The following CLCN4 variants were observed in gnomAD, a reference collection of about 807,000 sequenced individuals.
The protein encoded by CLCN4 is H(+)/Cl(-) exchange transporter 4.
A neutral mutation model predicts 41.7 loss-of-function variants in CLCN4; 1 was observed. The observed-to-expected ratio is 0.02, with a 90% confidence interval of 0.01 to 0.11. The LOEUF is 0.11. Among genes scored for constraint, CLCN4 ranks in the 10% least tolerant of loss-of-function variants. The pLI, the probability that CLCN4 is intolerant of heterozygous loss-of-function variation, is 1.00. For missense variants in CLCN4, 287 were observed against 661.0 expected, an observed-to-expected ratio of 0.43 and a Z score of 6.20; for synonymous variants, 277 against 285.8, an observed-to-expected ratio of 0.97 and a Z score of 0.31.
chrX:10,213,537 G>A, intron 10 of CLCN4, 144 bp from the exon 11 acceptor site: 1 of 550,244 alleles, frequency 1.8e-6, no homozygotes, highest in Non-Finnish European at 2.9e-6. Flanking sequence ...GGGTTCCAGA[G>A]GCCCAGTGTA....
intron 2 of CLCN4, among the ~76,000 whole-genome samples, chrX:10,164,619 G>A (rs1464397627): frequency 8.9e-6 from 1 of 111,930 alleles, no homozygotes; most frequent in Non-Finnish European, 1.9e-5. Flanking sequence ...GTTGGACTGA[G>A]GAGCTAACCT....
At chrX:10,206,308 C>A in intron 6 of CLCN4, 50 bp from the exon 7 acceptor site, 1 of 954,109 alleles carries the variant, frequency 1.0e-6, no homozygotes, top group Non-Finnish European at 1.5e-6. Flanking sequence ...CTTTTCCTAG[C>A]CATGGATTGA....
At chrX:10,195,202 G>A in intron 5 of CLCN4, 104 bp downstream of exon 5, 38 of 836,193 alleles carry the variant, frequency 4.5e-5, no homozygotes, top group Non-Finnish European at 6.6e-5. Flanking sequence ...ACCTTCAAGT[G>A]CCTGCTCTGA....
chrX:10,206,336 T>C (rs1233327885), intron 6 of CLCN4, 22 bp from the exon 7 acceptor site: 1 of 1,160,181 alleles, frequency 8.6e-7, no homozygotes, highest in East Asian at 3.0e-5. Flanking sequence ...CATTCCCTCT[T>C]GTTCTCCATC....
chrX:10,193,580 C>T (rs1924022968), intron 4 of CLCN4, among the ~76,000 whole-genome samples: 1 of 111,344 alleles, frequency 9.0e-6, no homozygotes, highest in African/African-American at 3.3e-5. Context: ...GAGTGGTCAA[C>T]AGAGTCAGAT....
chrX:10,196,819 C>G (rs1202036124), intron 5 of CLCN4, among the ~76,000 whole-genome samples: 8 of 111,946 alleles, frequency 7.1e-5, no homozygotes, highest in South Asian at 3.7e-4. Context: ...TGGGGAAATA[C>G]AGCCATCCAT....
chrX:10,199,997 C>T (rs958555377), intron 6 of CLCN4, among the ~76,000 whole-genome samples: 1 of 111,569 alleles, frequency 9.0e-6, no homozygotes, highest in African/African-American at 3.3e-5. Context: ...GTGATCCATC[C>T]GCCTCGGCCT....
intron 6 of CLCN4, among the ~76,000 whole-genome samples, chrX:10,198,438 G>A (rs1024228901): frequency 1.8e-5 from 2 of 112,102 alleles, no homozygotes; most frequent in South Asian, 7.4e-4. Flanking sequence ...ACATAAACAC[G>A]CTGTAATAAC....
chrX:10,205,447 T>A (rs768487635), intron 6 of CLCN4, among the ~76,000 whole-genome samples: 1 of 83,310 alleles, frequency 1.2e-5, no homozygotes, highest in East Asian at 4.0e-4. Context: ...CACTCCAGCC[T>A]GGGCAACAGT....
intron 10 of CLCN4, 53 bp from the exon 11 acceptor site, chrX:10,213,628 C>T (rs1924627261): frequency 9.1e-7 from 1 of 1,099,359 alleles, no homozygotes; most frequent in Non-Finnish European, 1.2e-6. Flanking sequence ...AATCATGCTT[C>T]CGTGAGCTGC....
At position 10,216,918 on chromosome X, in the gene CLCN4, T is replaced by TACACACAC. The variant is rs1555977626; in HGVS notation, c.1975+2845_1975+2852dup. Among the ~76,000 whole-genome samples, 32 of 38,928 alleles carry TACACACAC rather than the reference T, an allele frequency of 8.2e-4. 1 individual carries two copies. The highest frequency in any genetic ancestry group is 3.3e-3 in the African/African-American group (30 of 9,011). The allele number at this position is 38,928 out of a possible 115,157, so 33.8% of individuals were successfully genotyped here. A position where few individuals can be genotyped will look rare whatever the true frequency, so the allele number is the denominator to read the frequency against. On this transcript the variant is annotated intron_variant, in intron 11 of 12. Transcript: ENST00000380833. ...GTGTGTATATATATATATATATATA[T>TACACACAC]ACACACACACACATAGAGGGACTTC...
At chrX:10,187,463 G>C (rs776088449) in intron 3 of CLCN4, 52 bp from the exon 4 acceptor site, 1 of 919,740 alleles carries the variant, frequency 1.1e-6, no homozygotes, top group African/African-American at 1.9e-5. Flanking sequence ...AAGGAAAAAA[G>C]CATGAATTCG....
At chrX:10,182,481 G>A (rs767172000) in intron 2 of CLCN4, among the ~76,000 whole-genome samples, 6 of 112,243 alleles carry the variant, frequency 5.3e-5, no homozygotes, top group Admixed American at 9.4e-5. Flanking sequence ...GCTGGAGTGC[G>A]GTGGCGCAAT....
chrX:10,212,478 C>T lies in CLCN4; in HGVS notation c.1401C>T (p.Gly467=), dbSNP rs376621307. The change falls in exon 10 of 13, where the codon GGC becomes GGT. Residue 467 remains glycine, a synonymous_variant. Coordinates refer to ENST00000380833, the MANE Select transcript of CLCN4 (RefSeq NM_001830.4). ...TGTGTCTCCTCAAGATCCCGTCGGG[C>T]CTCTTCATCCCCAGCATGGCTGTGG... The part of the protein sequence containing the change: ...IFTFGMKIPS[G]LFIPSMAVGA... 78 of 1,209,533 alleles carry T rather than the reference C, an allele frequency of 6.4e-5. No individual in the cohort carries two copies. Among genetic ancestry groups the T allele is most frequent in the Non-Finnish European group, 8.7e-5 (78 of 894,831 alleles).
At position 10,237,595 on chromosome X, in the gene CLCN4, A is replaced by G. The variant is rs1285406642; in HGVS notation, c.*4011A>G. The stretch of plus-strand genomic sequence containing the variant: ...TGTGTAAACGTTGACACCTTATTAA[A>G]TATTAAATGTCTGAACTCTATTTTT... On this transcript the variant is annotated 3_prime_UTR_variant, in exon 13 of 13. Transcript: ENST00000380833. 1 of 111,912 alleles carries G rather than the reference A, an allele frequency of 8.9e-6. No individual in the cohort carries two copies. The highest frequency in any genetic ancestry group is 3.3e-5 in the African/African-American group (1 of 30,734). 9.2% of individuals were successfully genotyped at this position (111,912 alleles called of 1,213,427 possible).
intron 2 of CLCN4, among the ~76,000 whole-genome samples, chrX:10,178,862 AC>A (rs1465037729): frequency 8.9e-6 from 1 of 112,119 alleles, no homozygotes; most frequent in Non-Finnish European, 1.9e-5. Flanking sequence ...AAAAAACAAA[AC>A]AAAAACATTA....
chrX:10,211,407 C>T (rs765112633), intron 9 of CLCN4, among the ~76,000 whole-genome samples: 1 of 110,886 alleles, frequency 9.0e-6, no homozygotes, highest in Non-Finnish European at 1.9e-5. Context: ...TGTCTCTGAT[C>T]TGTCATCTCC....
At chrX:10,202,186 A>G (rs1228187453) in intron 6 of CLCN4, among the ~76,000 whole-genome samples, 1 of 110,912 alleles carries the variant, frequency 9.0e-6, no homozygotes, top group Non-Finnish European at 1.9e-5. Flanking sequence ...AAAAATGAAA[A>G]TAAGCGGCAG....
intron 2 of CLCN4, among the ~76,000 whole-genome samples, chrX:10,166,648 C>T (rs1405356500): frequency 8.9e-6 from 1 of 112,141 alleles, no homozygotes; most frequent in Admixed American, 9.4e-5. Context: ...TTATCTGTAA[C>T]GTGGGCCTGA....
Sources: allele counts gnomAD v4.1 joint callset (sites outside exome capture counted in the v4.1 genomes callset), GRCh38; gene constraint gnomAD v4.1.1; transcripts MANE v1.5; gene names NCBI Gene and HGNC (gene_info 2026-07-23, HGNC 2026-07-21).